The following SWT1 variants were observed in gnomAD, a reference collection of about 807,000 sequenced individuals.
SWT1 encodes the protein SWT1 RNA endoribonuclease homolog, also known as transcriptional protein SWT1.
Under a neutral mutation model 107.3 loss-of-function variants are expected in SWT1, and 33 were observed. That is an observed-to-expected ratio of 0.31 (90% confidence interval 0.23 to 0.41). The LOEUF (loss-of-function observed/expected upper bound fraction) is 0.41. Ranked by LOEUF, SWT1 falls within the 10% of genes least tolerant of loss-of-function variation. The pLI is 1.00. For missense variants in SWT1, 898 were observed against 1,028.9 expected, an observed-to-expected ratio of 0.87 and a Z score of 1.74; for synonymous variants, 345 against 348.3, an observed-to-expected ratio of 0.99 and a Z score of 0.11.
chr1:185,246,900 A>G (rs892110836), intron 16 of SWT1, among the ~76,000 whole-genome samples: 2 of 152,138 alleles, frequency 1.3e-5, no homozygotes, highest in African/African-American at 2.4e-5. Flanking sequence ...AAGTGTTAGC[A>G]TTACAGGTGT....
intron 2 of SWT1, among the ~76,000 whole-genome samples, chr1:185,165,632 C>G (rs957605587): frequency 5.3e-5 from 8 of 152,334 alleles, no homozygotes; most frequent in African/African-American, 1.9e-4. Context: ...TACTCCTCTG[C>G]TAAATACTTT....
intron 7 of SWT1, among the ~76,000 whole-genome samples, 173 bp from the exon 8 acceptor site, chr1:185,184,070 G>T (rs527636173): frequency 4.6e-5 from 7 of 152,288 alleles, no homozygotes; most frequent in African/African-American, 1.7e-4. Context: ...GATACGGGCC[G>T]GATAGATATC....
intron 4 of SWT1, 36 bp from the exon 5 acceptor site, chr1:185,174,335 AT>A: frequency 6.8e-7 from 1 of 1,473,034 alleles, no homozygotes; most frequent in Middle Eastern, 1.9e-4. Flanking sequence ...ATTATGTATA[AT>A]TATAATGTAA....
intron 13 of SWT1, among the ~76,000 whole-genome samples, chr1:185,208,937 G>A (rs1176170105): frequency 2.6e-5 from 4 of 152,060 alleles, no homozygotes; most frequent in Admixed American, 2.0e-4. Context: ...GAGGCTCAAA[G>A]TCAGAGTTGG....
At chr1:185,251,437 A>G (rs1288689704) in intron 16 of SWT1, 1 of 152,198 alleles carries the variant, frequency 6.6e-6, no homozygotes, top group Non-Finnish European at 1.5e-5. Context: ...TATGTTGTCC[A>G]TATTATTATA....
chr1:185,183,786 A>G (rs1038660618), intron 7 of SWT1, among the ~76,000 whole-genome samples: 3 of 152,238 alleles, frequency 2.0e-5, no homozygotes, highest in African/African-American at 7.2e-5. Context: ...TTAAACATTG[A>G]TTACTATTCT....
At chr1:185,287,676 C>G (rs925987494) in intron 18 of SWT1, among the ~76,000 whole-genome samples, 1 of 152,166 alleles carries the variant, frequency 6.6e-6, no homozygotes, top group African/African-American at 2.4e-5. Flanking sequence ...TAAGGTGCCC[C>G]TGCAGCCAAT....
chr1:185,184,209 C>G, intron 7 of SWT1, 34 bp from the exon 8 acceptor site: 1 of 1,098,314 alleles, frequency 9.1e-7, no homozygotes, highest in Non-Finnish European at 1.3e-6. Context: ...AGTCTGTTAT[C>G]AAGTGTCATG....
chr1:185,268,645 G>T (rs1428977308), intron 16 of SWT1, among the ~76,000 whole-genome samples: 1 of 152,118 alleles, frequency 6.6e-6, no homozygotes, highest in Non-Finnish European at 1.5e-5. Flanking sequence ...CAAATACACT[G>T]TGAGGGTTGG....
At chr1:185,226,032 T>C (rs1339612708) in intron 15 of SWT1, among the ~76,000 whole-genome samples, 1 of 152,178 alleles carries the variant, frequency 6.6e-6, no homozygotes, top group Non-Finnish European at 1.5e-5. Context: ...AGTCTTAACA[T>C]AGTTTTAAGG....
At chr1:185,184,984 A>G (rs1656328652) in intron 9 of SWT1, 53 bp downstream of exon 9, 1 of 1,249,548 alleles carries the variant, frequency 8.0e-7, no homozygotes, top group Non-Finnish European at 1.1e-6. Flanking sequence ...TTGGGTGCAG[A>G]CTCATTATTG....
chr1:185,160,038 T>A (rs774566491), intron 1 of SWT1, among the ~76,000 whole-genome samples: 17 of 152,218 alleles, frequency 1.1e-4, no homozygotes, highest in Non-Finnish European at 2.1e-4. Context: ...ATATTTTACA[T>A]CCATTGTTTC....
intron 15 of SWT1, chr1:185,227,763 G>A (rs975637255): frequency 9.5e-5 from 39 of 411,928 alleles, no homozygotes; most frequent in South Asian, 6.1e-4. Context: ...CAGCTCTAGC[G>A]GGGGAGAAAG....
chr1:185,215,811 A>G (rs749759767), intron 14 of SWT1, among the ~76,000 whole-genome samples: 20 of 152,170 alleles, frequency 1.3e-4, no homozygotes, highest in Non-Finnish European at 2.5e-4. Flanking sequence ...AAGTGTTGGG[A>G]ATACAGGTGT....
intron 9 of SWT1, among the ~76,000 whole-genome samples, chr1:185,186,223 A>G (rs1405672594): frequency 6.6e-6 from 1 of 152,082 alleles, no homozygotes; most frequent in Admixed American, 6.5e-5. Flanking sequence ...GATTGATAAG[A>G]CTCATCTATC....
chr1:185,266,569 CCAGTTA>C (rs1663410393), intron 16 of SWT1: 1 of 151,848 alleles, frequency 6.6e-6, no homozygotes, highest in Non-Finnish European at 1.5e-5. Context: ...TTTATCACAA[CCAGTTA>C]CAGATTTCTT....
At chr1:185,172,311 A>T (rs865846122) in intron 4 of SWT1, among the ~76,000 whole-genome samples, 1 of 152,178 alleles carries the variant, frequency 6.6e-6, no homozygotes, top group Non-Finnish European at 1.5e-5. Context: ...CTTGTTTAAG[A>T]TGTTGAGACC....
intron 10 of SWT1, among the ~76,000 whole-genome samples, chr1:185,194,571 T>A (rs889455034): frequency 8.9e-5 from 13 of 145,644 alleles, no homozygotes; most frequent in Non-Finnish European, 1.5e-4. Context: ...TTGGATACTT[T>A]AAAAAAAAAA....
chr1:185,284,972 C>A (rs1458116378), intron 18 of SWT1, among the ~76,000 whole-genome samples: 1 of 151,696 alleles, frequency 6.6e-6, no homozygotes, highest in Non-Finnish European at 1.5e-5. Flanking sequence ...CAGCCACACT[C>A]ACACACAGCT....
Sources: gnomAD v4.1 joint callset for allele counts (sites outside exome capture counted in the v4.1 genomes callset) on GRCh38, gnomAD v4.1.1 for gene constraint, MANE v1.5 for transcripts, NCBI Gene and HGNC (gene_info 2026-07-23, HGNC 2026-07-21) for gene names.